THRA: variants seen among roughly 807,000 people sequenced by gnomAD.
THRA encodes EAR-7.
A neutral mutation model predicts 45.0 loss-of-function variants in THRA; 13 were observed. The observed-to-expected ratio is 0.29, with a 90% CI of 0.19 to 0.46. The LOEUF is 0.46. THRA is among the 20% of genes least tolerant of loss of function. THRA has a pLI of 1.00. For synonymous variants in THRA, 195 were observed against 214.0 expected (o/e 0.91, Z 0.78); for missense variants, 278 against 556.1 (o/e 0.50, Z 5.03).
intron 4 of THRA, 147 bp downstream of exon 4, chr17:40,077,755 TG>T: frequency 1.6e-6 from 1 of 633,384 alleles, no homozygotes; most frequent in Admixed American, 2.9e-5. Context: ...TGGAGTGCAG[TG>T]GCGCGATCAT....
chr17:40,093,150 G>A, downstream of THRA: 2 of 1,614,032 alleles, frequency 1.2e-6, no homozygotes, highest in Non-Finnish European at 1.7e-6. The surrounding 1 kb of genome is among the most constrained non-coding windows in gnomAD (Gnocchi z 5.9). Flanking sequence ...CCGCAGGTCC[G>A]GCAGCTTGAG....
Position 40,084,024 on chromosome 17 carries a change from G to T in THRA, c.370+42G>T, listed in dbSNP as rs550782846. The T allele has an allele frequency of 5.7e-6, 9 of 1,567,806 alleles. No individual in the cohort carries two copies. In the African/African-American group the frequency reaches 8.2e-5, roughly 14 times the overall value. On this transcript the variant is annotated intron_variant, in intron 5 of 8. Transcript: ENST00000450525. ...GAGGGAATAGAGCCAGGTGGCCTGGGGTGGGGATGAGTTCTGGGAGGGCAG... is the reference window on the plus strand; with the variant it reads ...GAGGGAATAGAGCCAGGTGGCCTGGTGTGGGGATGAGTTCTGGGAGGGCAG...
Position 40,091,741 on chromosome 17 carries a change from C to G in THRA, c.*2285C>G, listed in dbSNP as rs1987562238. The G allele has an allele frequency of 6.6e-6, 1 of 152,416 alleles. No homozygotes were observed. Among genetic ancestry groups the G allele is most frequent in the Non-Finnish European group, 1.5e-5 (1 of 68,196 alleles). 9.4% of individuals were successfully genotyped at this position (152,416 alleles called of 1,614,324 possible). ...TCCTCCCCGGACCCCTCCCTTCCCC[C>G]TCGGTGATGTGGGGTGTATGTGTGC... On this transcript the variant is annotated 3_prime_UTR_variant, in exon 9 of 9. Coordinates refer to ENST00000450525, the MANE Select transcript of THRA (RefSeq NM_199334.5).
In THRA at chr17:40,088,513, T is replaced by C. The variant is rs911890421; in HGVS notation, c.982+13T>C. 1.9e-6 allele frequency: 3 copies of C among 1,603,084 alleles called. No homozygotes were observed. The African/African-American group carries it at 4.0e-5, about 21-fold the overall frequency. On this transcript the variant is annotated intron_variant, in intron 8 of 8. Coordinates refer to ENST00000450525, the MANE Select transcript of THRA (RefSeq NM_199334.5). ...CTAATGTCAACAGGTACCTGCTGAT[T>C]AGTCGGGAGGGCTCAGAAGCTTCCA...
At chr17:40,074,064 G>GCCTGCCCTT in intron 1 of THRA, 128 bp from the exon 2 acceptor site, 1 of 231,160 alleles carries the variant, frequency 4.3e-6, no homozygotes, top group South Asian at 5.8e-5. Flanking sequence ...CCCTCTCTAT[G>GCCTGCCCTT]CCTGCCCTTC....
chr17:40,063,994 A>T (rs1224268554), intron 1 of THRA, among the ~76,000 whole-genome samples: 1 of 116,016 alleles, frequency 8.6e-6, no homozygotes, highest in Non-Finnish European at 1.8e-5. Context: ...CAGGAGGGGG[A>T]GGGGATGAAG....
intron 1 of THRA, among the ~76,000 whole-genome samples, chr17:40,073,006 G>T (rs2145053106): frequency 6.6e-6 from 1 of 152,324 alleles, no homozygotes; most frequent in South Asian, 2.1e-4. Context: ...CACACTACCA[G>T]CTTGCCTGGG....
chr17:40,076,830 G>A (rs763863476), intron 2 of THRA, 41 bp from the exon 3 acceptor site: 16 of 1,608,512 alleles, frequency 9.9e-6, no homozygotes, highest in South Asian at 8.8e-5. Context: ...GGGGCTACTC[G>A]AAGACTGCTC....
intron 1 of THRA, among the ~76,000 whole-genome samples, chr17:40,066,980 G>A (rs1986597483): frequency 6.6e-6 from 1 of 152,258 alleles, no homozygotes; most frequent in Non-Finnish European, 1.5e-5. Context: ...TGTGATGGGT[G>A]AAGGAAGCTG....
chr17:40,077,661 C>T, intron 4 of THRA, 53 bp downstream of exon 4: 1 of 1,431,692 alleles, frequency 7.0e-7, no homozygotes, highest in Non-Finnish European at 9.8e-7. Flanking sequence ...CCATATTACT[C>T]CCTATGTCAC....
At chr17:40,083,169 C>T (rs113548288) in intron 4 of THRA, among the ~76,000 whole-genome samples, 25 of 151,440 alleles carry the variant, frequency 1.7e-4, no homozygotes, top group African/African-American at 5.8e-4. Context: ...CCTTGTGATC[C>T]GCCTGCCTCA....
At chr17:40,069,104 C>T (rs1598388266) in intron 1 of THRA, 1 of 146,706 alleles carries the variant, frequency 6.8e-6, no homozygotes, top group Non-Finnish European at 1.5e-5. Flanking sequence ...CCCTCTCTCT[C>T]TCCCTCCCTC....
intron 2 of THRA, among the ~76,000 whole-genome samples, chr17:40,075,150 CACCAAGGGATGGTT>C: frequency 6.6e-6 from 1 of 152,386 alleles, no homozygotes; most frequent in African/African-American, 2.4e-5. Flanking sequence ...CCTGCACATA[CACCAAGGGATGGTT>C]ACCTGTGATC....
At chr17:40,086,675 C>T (rs752081818) in intron 6 of THRA, 32 bp from the exon 7 acceptor site, 10 of 1,603,678 alleles carry the variant, frequency 6.2e-6, no homozygotes, top group South Asian at 2.2e-5. Context: ...AAGGGGTCTG[C>T]GGCCCCAGCT....
chr17:40,080,739 T>C (rs8077413), intron 4 of THRA, among the ~76,000 whole-genome samples: 390 of 145,242 alleles, frequency 2.7e-3, no homozygotes, highest in East Asian at 0.013. Context: ...TTTTTTTTTT[T>C]CAAGACGGAG....
chr17:40,093,695 T>G, downstream of THRA: 1 of 634,494 alleles, frequency 1.6e-6, no homozygotes, highest in Non-Finnish European at 2.7e-6. This position sits in a 1 kb window ranked among gnomAD's most constrained non-coding sequence, Gnocchi z 5.9. Context: ...AATAGTTGTC[T>G]GTGCTTCCTT....
At chr17:40,066,269 G>A (rs1986560797) in intron 1 of THRA, among the ~76,000 whole-genome samples, 1 of 152,288 alleles carries the variant, frequency 6.6e-6, no homozygotes. Context: ...CTCTAGCCTT[G>A]GACTATTTGG....
intron 1 of THRA, among the ~76,000 whole-genome samples, chr17:40,067,027 C>T (rs1055519510): frequency 1.2e-4 from 19 of 152,178 alleles, no homozygotes; most frequent in East Asian, 1.9e-4. Flanking sequence ...AGAGAAGCTT[C>T]GTGGAGAATT....
chr17:40,086,633 C>G (rs748074321), intron 6 of THRA, 74 bp from the exon 7 acceptor site: 83 of 1,563,554 alleles, frequency 5.3e-5, no homozygotes, highest in Non-Finnish European at 6.9e-5. Context: ...GGAGCTCCCC[C>G]TGGTGGGCAG....
Sources: allele counts gnomAD v4.1 joint callset (sites outside exome capture counted in the v4.1 genomes callset), GRCh38; gene constraint gnomAD v4.1.1; non-coding constraint Gnocchi (gnomAD v3.1); transcripts MANE v1.5; gene names NCBI Gene and HGNC (gene_info 2026-07-23, HGNC 2026-07-21).